The following PAX7 variants were observed in gnomAD, a reference collection of about 807,000 sequenced individuals.
PAX7 encodes paired box 7.
Under a neutral mutation model 50.7 loss-of-function variants are expected in PAX7, and 18 were observed. The ratio of observed to expected loss-of-function variants is 0.36; its 90% CI spans 0.25 to 0.53. PAX7 has a LOEUF of 0.53. PAX7 is among the 20% of genes least tolerant of loss of function. The probability of loss-of-function intolerance (pLI) is 0.93; values close to 1 mark genes in which losing one functional copy is unlikely to be tolerated. For missense variants in PAX7, 644 were observed against 702.9 expected (o/e 0.92, Z 0.95); for synonymous variants, 310 against 290.4 (o/e 1.07, Z -0.69).
Position 18,691,811 on chromosome 1 carries a change from G to T in PAX7, c.644G>T (p.Arg215Leu). Residue 215 changes from arginine (R) to leucine (L), a missense_variant, in exon 5 of 9, where the codon CGC becomes CTC. Arg to Leu is a moderately radical substitution (Grantham distance 102, BLOSUM62 -2). Coordinates refer to ENST00000420770, the MANE Select transcript of PAX7 (RefSeq NM_001135254.2). ...TCGGAACCTGACCTCCCACTGAAGC[G>T]CAAGCAGCGACGCAGTCGGACCACA... ...VESEPDLPLK[R>L]KQRRSRTTFT... is the part of the protein sequence containing the mutation. 2.5e-6 allele frequency: 4 copies of T among 1,610,018 alleles called. No individual in the cohort carries two copies. The highest frequency in any genetic ancestry group is 1.3e-5 in the African/African-American group (1 of 75,000).
intron 5 of PAX7, among the ~76,000 whole-genome samples, chr1:18,699,993 A>G (rs1226169204): frequency 6.6e-6 from 1 of 152,086 alleles, no homozygotes; most frequent in Non-Finnish European, 1.5e-5. Context: ...TCATGGGTCT[A>G]TGTATGGATT....
At position 18,735,277 on chromosome 1, in the gene PAX7, C is replaced by T. The variant is rs111916504; in HGVS notation, c.1156-355C>T. On this transcript the variant is annotated intron_variant, in intron 7 of 8. Coordinates refer to ENST00000420770, the MANE Select transcript of PAX7 (RefSeq NM_001135254.2). The surrounding 1 kb of genome is among the most constrained non-coding windows in gnomAD (Gnocchi z 4.0). ...TGACTGATGGGAGAGGCCTCATTAGCCAGTTCGTTCATTCATGCATTCATT... is the reference window on the plus strand; with the variant it reads ...TGACTGATGGGAGAGGCCTCATTAGTCAGTTCGTTCATTCATGCATTCATT... 2.3e-3 allele frequency among the ~76,000 whole-genome samples: 355 copies of T among 152,304 alleles called. 2 individuals are homozygous for T. The highest frequency in any genetic ancestry group is 8.2e-3 in the African/African-American group (340 of 41,570).
intron 4 of PAX7, among the ~76,000 whole-genome samples, chr1:18,639,358 C>T (rs897303730): frequency 7.2e-5 from 11 of 151,962 alleles, no homozygotes; most frequent in Non-Finnish European, 1.2e-4. Context: ...CAGCTCACTC[C>T]TGCTCCCCTT....
At chr1:18,669,798 A>G (rs1176424137) in intron 4 of PAX7, among the ~76,000 whole-genome samples, 1 of 152,206 alleles carries the variant, frequency 6.6e-6, no homozygotes, top group Non-Finnish European at 1.5e-5. Flanking sequence ...TGGTTGCAAC[A>G]TAGTTGTAAT....
intron 1 of PAX7, among the ~76,000 whole-genome samples, 195 bp downstream of exon 1, chr1:18,631,883 A>G (rs1202431889): frequency 6.6e-6 from 1 of 152,052 alleles, no homozygotes; most frequent in Non-Finnish European, 1.5e-5. Context: ...CGTGGGTTTC[A>G]CTGCCCGGCG....
intron 4 of PAX7, among the ~76,000 whole-genome samples, chr1:18,671,593 G>A (rs934437343): frequency 2.0e-5 from 3 of 152,088 alleles, no homozygotes; most frequent in Admixed American, 6.5e-5. Context: ...CCAGCATCTC[G>A]GAGGGCTCAG....
intron 5 of PAX7, among the ~76,000 whole-genome samples, chr1:18,692,858 A>G (rs920291477): frequency 1.3e-5 from 2 of 152,144 alleles, no homozygotes; most frequent in African/African-American, 4.8e-5. Flanking sequence ...GAGCCTCCCA[A>G]TGGCTCGAGG....
intron 4 of PAX7, among the ~76,000 whole-genome samples, chr1:18,640,913 G>C (rs1008029426): frequency 6.6e-6 from 1 of 152,018 alleles, no homozygotes; most frequent in Non-Finnish European, 1.5e-5. Context: ...GGGGGCTCCC[G>C]GCGGAGGGGG....
chr1:18,634,608 T>C lies in PAX7; in HGVS notation c.321+70T>C, dbSNP rs1215321178. 7.7e-7 allele frequency: 1 copy of C among 1,296,264 alleles called. No homozygotes were observed. The highest frequency in any genetic ancestry group is 2.3e-5 in the East Asian group (1 of 42,896). 80.3% of individuals were successfully genotyped at this position (1,296,264 alleles called of 1,614,324 possible). Reference sequence around the variant, plus strand: ...CGGGGGCTCCTGGTTGTGGCCCCTCTTACTACCTCGTGGCACCAGGCTGTA... The same window carrying C: ...CGGGGGCTCCTGGTTGTGGCCCCTCCTACTACCTCGTGGCACCAGGCTGTA... On this transcript the variant is annotated intron_variant, in intron 2 of 8. Coordinates refer to ENST00000420770, the MANE Select transcript of PAX7 (RefSeq NM_001135254.2). The surrounding 1 kb of genome is among the most constrained non-coding windows in gnomAD (Gnocchi z 4.0).
chr1:18,699,898 A>T (rs2100318855), intron 5 of PAX7, among the ~76,000 whole-genome samples: 1 of 152,134 alleles, frequency 6.6e-6, no homozygotes, highest in Non-Finnish European at 1.5e-5. Flanking sequence ...TCCAACACAG[A>T]CTAGCTGTGT....
intron 4 of PAX7, among the ~76,000 whole-genome samples, chr1:18,657,667 T>C (rs1402697291): frequency 2.0e-5 from 3 of 152,168 alleles, no homozygotes; most frequent in Non-Finnish European, 4.4e-5. Flanking sequence ...GCCCGATGAA[T>C]AGCGGTTTTG....
intron 5 of PAX7, among the ~76,000 whole-genome samples, chr1:18,695,722 G>A (rs539952696): frequency 6.6e-5 from 10 of 152,318 alleles, no homozygotes; most frequent in African/African-American, 1.7e-4. Flanking sequence ...CTTCCTTAGA[G>A]GTGAACAGAC....
chr1:18,632,028 A>T lies in PAX7; in HGVS notation c.85+340A>T, dbSNP rs1466313697. ...ACTATTTCCAGACACTTCTTCCCTG[A>T]CAGTTTCTCGGCTCTCCTGGCTCGC... On this transcript the variant is annotated intron_variant, in intron 1 of 8. Coordinates refer to ENST00000420770, the MANE Select transcript of PAX7 (RefSeq NM_001135254.2). The surrounding 1 kb of genome is among the most constrained non-coding windows in gnomAD (Gnocchi z 6.3). 6.6e-6 allele frequency among the ~76,000 whole-genome samples: 1 copy of T among 152,048 alleles called. No individual in the cohort carries two copies. The highest frequency in any genetic ancestry group is 1.9e-4 in the East Asian group (1 of 5,176).
At chr1:18,654,135 CAGTCCAG>C (rs1166448502) in intron 4 of PAX7, among the ~76,000 whole-genome samples, 2 of 152,176 alleles carry the variant, frequency 1.3e-5, no homozygotes, top group Non-Finnish European at 2.9e-5. Flanking sequence ...CACAGCAGCC[CAGTCCAG>C]AGAGGCAGTT....
At chr1:18,658,412 G>A (rs1048376367) in intron 4 of PAX7, among the ~76,000 whole-genome samples, 8 of 152,162 alleles carry the variant, frequency 5.3e-5, no homozygotes, top group Non-Finnish European at 8.8e-5. Flanking sequence ...CCCCGTTTCC[G>A]AACACTTACT....
At chr1:18,662,884 T>C (rs532886278) in intron 4 of PAX7, among the ~76,000 whole-genome samples, 14 of 151,540 alleles carry the variant, frequency 9.2e-5, no homozygotes, top group Admixed American at 7.2e-4. Flanking sequence ...GTAAGTTCTT[T>C]ATATTGAAGG....
At chr1:18,727,113 C>G (rs1299703119) in intron 7 of PAX7, among the ~76,000 whole-genome samples, 1 of 152,100 alleles carries the variant, frequency 6.6e-6, no homozygotes, top group East Asian at 1.9e-4. Flanking sequence ...AAAAAATTCA[C>G]ACATATACAC....
chr1:18,641,526 G>T (rs1258850729), intron 4 of PAX7, among the ~76,000 whole-genome samples: 1 of 152,248 alleles, frequency 6.6e-6, no homozygotes, highest in Non-Finnish European at 1.5e-5. Context: ...CCCCCGCTGC[G>T]AGGGCGTGCG....
intron 8 of PAX7, among the ~76,000 whole-genome samples, chr1:18,744,207 C>T (rs1931297662): frequency 6.6e-6 from 1 of 152,154 alleles, no homozygotes; most frequent in Non-Finnish European, 1.5e-5. Context: ...ACCTTGCCCT[C>T]ATCATTACCT....
Sources: allele counts gnomAD v4.1 joint callset (sites outside exome capture counted in the v4.1 genomes callset), GRCh38; gene constraint gnomAD v4.1.1; non-coding constraint Gnocchi (gnomAD v3.1); transcripts MANE v1.5; gene names NCBI Gene and HGNC (gene_info 2026-07-23, HGNC 2026-07-21).